Variants in ARHGAP20 observed in about 807,000 individuals in gnomAD.
ARHGAP20 encodes Rho GTPase activating protein 20, also known as rho GTPase-activating protein 20.
A neutral mutation model predicts 73.7 loss-of-function variants in ARHGAP20; 34 were observed. The ratio of observed to expected loss-of-function variants is 0.46; its 90% CI spans 0.35 to 0.61. The LOEUF (loss-of-function observed/expected upper bound fraction) is 0.61, where lower values mean the gene tolerates loss of function less well. Among genes scored for constraint, ARHGAP20 ranks in the 20% least tolerant of loss-of-function variants. ARHGAP20 has a pLI of 0.00. For synonymous variants in ARHGAP20, 523 were observed against 518.2 expected, an observed-to-expected ratio of 1.01 and a Z score of -0.13; for missense variants, 1,314 against 1,420.9, an observed-to-expected ratio of 0.92 and a Z score of 1.21.
At chr11:110,678,252 T>C (rs886417280) in intron 2 of ARHGAP20, among the ~76,000 whole-genome samples, 11 of 152,234 alleles carry the variant, frequency 7.2e-5, no homozygotes, top group Admixed American at 4.6e-4. Context: ...CTAATGGCTA[T>C]GCATTTCTTT....
intron 2 of ARHGAP20, among the ~76,000 whole-genome samples, chr11:110,648,240 AAT>A (rs1170735606): frequency 3.1e-4 from 29 of 92,728 alleles, no homozygotes; most frequent in South Asian, 2.7e-3. Context: ...TATATATGTA[AAT>A]ATATATATGT....
chr11:110,597,689 T>C (rs1030277789), intron 9 of ARHGAP20, among the ~76,000 whole-genome samples: 4 of 152,222 alleles, frequency 2.6e-5, no homozygotes, highest in African/African-American at 9.6e-5. Context: ...TCAAAAGTTA[T>C]ATACTCAGCT....
intron 1 of ARHGAP20, among the ~76,000 whole-genome samples, chr11:110,698,744 CTA>C (rs1474424813): frequency 1.3e-5 from 2 of 151,864 alleles, no homozygotes; most frequent in African/African-American, 4.8e-5. Flanking sequence ...TTTTGTATCT[CTA>C]TGTTATCAAT....
chr11:110,578,552 T>C lies in ARHGAP20; in HGVS notation c.*818A>G, dbSNP rs1311820014. 5.1e-6 allele frequency: 5 copies of C among 985,324 alleles called. No homozygotes were observed. The highest frequency in any genetic ancestry group is 6.0e-6 in the Non-Finnish European group (5 of 829,932). The allele number at this position is 985,324 out of a possible 1,614,324, so 61.0% of individuals were successfully genotyped here. On this transcript the variant is annotated 3_prime_UTR_variant, in exon 15 of 15. Transcript: ENST00000683387. ...AGTGAACGCTGTCAGGAGGTCACCT[T>C]CTAAATAGAAGAAGTTGCATTTCTG...
chr11:110,707,090 T>G (rs1269303579), intron 1 of ARHGAP20, among the ~76,000 whole-genome samples: 3 of 152,138 alleles, frequency 2.0e-5, no homozygotes, highest in African/African-American at 7.2e-5. Context: ...AAAGGCAGAA[T>G]GAAGTTTACA....
intron 2 of ARHGAP20, among the ~76,000 whole-genome samples, chr11:110,632,631 A>G (rs1048387857): frequency 2.6e-5 from 4 of 152,074 alleles, no homozygotes; most frequent in African/African-American, 9.7e-5. Context: ...TCTCGAACTC[A>G]TGACCTCAGA....
chr11:110,590,870 A>G lies in ARHGAP20; in HGVS notation c.1144-61T>C, dbSNP rs1194534846. On this transcript the variant is annotated intron_variant, in intron 10 of 14. Coordinates refer to ENST00000683387, the MANE Select transcript of ARHGAP20 (RefSeq NM_001384657.1). ...CTTCCACACACACAAGGGAATGTAC[A>G]CTTGCCCTCTTTGGATGCCAGAGGC... 3 of 1,506,662 alleles carry G rather than the reference A, an allele frequency of 2.0e-6. No homozygotes were observed. The East Asian group carries it at 7.0e-5, about 35-fold the overall frequency. The allele number at this position is 1,506,662 out of a possible 1,614,324, so 93.3% of individuals were successfully genotyped here.
chr11:110,606,627 G>C lies in ARHGAP20; in HGVS notation c.898C>G (p.Pro300Ala). The change falls in exon 9 of 15, where the codon CCC (proline) becomes GCC (alanine). Residue 300 changes from proline to alanine, a missense_variant. Around this residue, in one of 3 missense-constraint regions of ARHGAP20, gnomAD observed 443 missense variants for 466.4 expected, o/e 0.95. Transcript: ENST00000683387. ...LQEPFLMEQL[P>A]REMQCQFILK... ...ATGAACTGGCACTGCATCTCTCGGG[G>C]GAGCTGTTCCATAAGGAAGGGCTCC... 6.2e-7 allele frequency: 1 copy of C among 1,612,704 alleles called. No individual in the cohort carries two copies. The highest frequency in any genetic ancestry group is 2.2e-5 in the East Asian group (1 of 44,808).
intron 2 of ARHGAP20, among the ~76,000 whole-genome samples, chr11:110,660,072 A>G (rs978007191): frequency 6.6e-6 from 1 of 151,682 alleles, no homozygotes; most frequent in African/African-American, 2.4e-5. Context: ...AAAAAAAAAA[A>G]AAAAAAGAAA....
intron 10 of ARHGAP20, 62 bp downstream of exon 10, chr11:110,591,915 C>T (rs1390152442): frequency 1.2e-5 from 18 of 1,543,788 alleles, no homozygotes; most frequent in South Asian, 1.2e-5. Flanking sequence ...AGATTTACCT[C>T]GCAGAGCTCT....
intron 2 of ARHGAP20, among the ~76,000 whole-genome samples, chr11:110,633,245 T>C (rs550447464): frequency 2.6e-5 from 4 of 152,326 alleles, no homozygotes; most frequent in Middle Eastern, 6.8e-3. Context: ...CTTACTTATA[T>C]GTAAAGTAAG....
At chr11:110,688,987 T>C (rs901202593) in intron 2 of ARHGAP20, among the ~76,000 whole-genome samples, 21 of 150,050 alleles carry the variant, frequency 1.4e-4, no homozygotes, top group Admixed American at 2.7e-4. Context: ...AAAACTTCCA[T>C]ACTTTCATAT....
At chr11:110,644,548 G>A (rs1213227029) in intron 2 of ARHGAP20, among the ~76,000 whole-genome samples, 1 of 151,936 alleles carries the variant, frequency 6.6e-6, no homozygotes, top group African/African-American at 2.4e-5. Flanking sequence ...AAAAAAACAG[G>A]GGAAAGACTC....
intron 7 of ARHGAP20, among the ~76,000 whole-genome samples, 196 bp downstream of exon 7, chr11:110,611,113 T>C (rs1948356908): frequency 6.6e-6 from 1 of 152,138 alleles, no homozygotes; most frequent in Non-Finnish European, 1.5e-5. Flanking sequence ...ACACAGATTT[T>C]AAAATAGGAG....
intron 4 of ARHGAP20, among the ~76,000 whole-genome samples, chr11:110,620,829 T>C (rs1358456613): frequency 6.6e-6 from 1 of 151,454 alleles, no homozygotes; most frequent in African/African-American, 2.4e-5. Context: ...CCCAGCACTT[T>C]GGGAGGCTGA....
At chr11:110,643,538 A>T (rs982338347) in intron 2 of ARHGAP20, among the ~76,000 whole-genome samples, 2 of 152,098 alleles carry the variant, frequency 1.3e-5, no homozygotes, top group Non-Finnish European at 2.9e-5. Context: ...AAAGTCCTTC[A>T]GGAGCAACTT....
chr11:110,577,141 T>A lies in ARHGAP20; in HGVS notation c.*2229A>T, dbSNP rs1007336982. On this transcript the variant is annotated 3_prime_UTR_variant, in exon 15 of 15. Coordinates refer to ENST00000683387, the MANE Select transcript of ARHGAP20 (RefSeq NM_001384657.1). Reference sequence around the variant, plus strand: ...TTGAAAACCAAACAACTTTAAAAGTTAGCAGCAGTTTCTGCAAGTACAAAA... The same window carrying A: ...TTGAAAACCAAACAACTTTAAAAGTAAGCAGCAGTTTCTGCAAGTACAAAA... The A allele has an allele frequency of 2.0e-6, 3 of 1,534,732 alleles. No individual in the cohort carries two copies. Among genetic ancestry groups the A allele is most frequent in the African/African-American group, 1.4e-5 (1 of 73,022 alleles).
chr11:110,647,317 G>T (rs1300362734), intron 2 of ARHGAP20, among the ~76,000 whole-genome samples: 1 of 152,090 alleles, frequency 6.6e-6, no homozygotes, highest in Non-Finnish European at 1.5e-5. Flanking sequence ...GTGGAGAACA[G>T]GTTCAAGTAC....
In ARHGAP20 at chr11:110,579,194, A is replaced by C. The variant is rs1947366245; in HGVS notation, c.*176T>G. On this transcript the variant is annotated 3_prime_UTR_variant, in exon 15 of 15. Coordinates refer to ENST00000683387, the MANE Select transcript of ARHGAP20 (RefSeq NM_001384657.1). Reference sequence around the variant, plus strand: ...ACACTTAGGTGACAAAATTTTTAGCATAAAGTATTTGTCAAGTAGTCTCAA... The same window carrying C: ...ACACTTAGGTGACAAAATTTTTAGCCTAAAGTATTTGTCAAGTAGTCTCAA... The C allele has an allele frequency of 7.7e-7, 1 of 1,299,048 alleles. No homozygotes were observed. The highest frequency in any genetic ancestry group is 2.8e-5 in the East Asian group (1 of 36,110). The allele number at this position is 1,299,048 out of a possible 1,614,324, so 80.5% of individuals were successfully genotyped here. A position where few individuals can be genotyped will look rare whatever the true frequency, so the allele number is the denominator to read the frequency against.
Sources: gnomAD v4.1 joint callset for allele counts (sites outside exome capture counted in the v4.1 genomes callset) on GRCh38, gnomAD v4.1.1 for gene constraint, gnomAD v4.1.1 regional missense constraint, MANE v1.5 for transcripts, NCBI Gene and HGNC (gene_info 2026-07-23, HGNC 2026-07-21) for gene names.